Variants in LNPK observed in about 807,000 individuals in gnomAD.
The protein encoded by LNPK is lunapark, ER junction formation factor.
In LNPK, 29 loss-of-function variants were observed where a neutral mutation model predicts 55.2. That is an observed-to-expected ratio of 0.53 (90% CI 0.39 to 0.72). LNPK has a LOEUF of 0.72. Among genes scored for constraint, LNPK ranks in the 30% least tolerant of loss-of-function variants. The pLI, the probability that LNPK is intolerant of heterozygous loss-of-function variation, is 0.00. For synonymous variants in LNPK, 162 were observed against 168.2 expected (o/e 0.96, Z 0.29); for missense variants, 467 against 494.8 (o/e 0.94, Z 0.53).
At chr2:175,983,404 A>C (rs1164292180) in intron 4 of LNPK, among the ~76,000 whole-genome samples, 1 of 152,222 alleles carries the variant, frequency 6.6e-6, no homozygotes, top group Non-Finnish European at 1.5e-5. Flanking sequence ...AATTCTAGTT[A>C]GCCTGGAACA....
Position 175,927,462 on chromosome 2 carries a change from A to C in LNPK, c.*2505T>G, listed in dbSNP as rs1684063401. The C allele has an allele frequency of 6.6e-6, 1 of 152,238 alleles. No homozygotes were observed. Among genetic ancestry groups the C allele is most frequent in the African/African-American group, 2.4e-5 (1 of 41,438 alleles). 9.4% of individuals were successfully genotyped at this position (152,238 alleles called of 1,614,324 possible). A position where few individuals can be genotyped will look rare whatever the true frequency, so the allele number is the denominator to read the frequency against. On this transcript the variant is annotated 3_prime_UTR_variant, in exon 13 of 13. Coordinates refer to ENST00000272748, the MANE Select transcript of LNPK (RefSeq NM_030650.3). ...AGGCAGAGGCCAGCTTCAGATGGGG[A>C]GTTTGGGAAGGCATCTCTCTGAGGA...
intron 8 of LNPK, among the ~76,000 whole-genome samples, chr2:175,948,687 G>C (rs999944932): frequency 6.6e-6 from 1 of 151,572 alleles, no homozygotes; most frequent in African/African-American, 2.4e-5. Flanking sequence ...CTGAAACTAA[G>C]TAAGTAATTT....
chr2:175,996,517 A>G (rs577666914), intron 1 of LNPK, among the ~76,000 whole-genome samples: 1 of 152,262 alleles, frequency 6.6e-6, no homozygotes, highest in Non-Finnish European at 1.5e-5. Flanking sequence ...TAATTAGTTA[A>G]TAATACAACC....
intron 4 of LNPK, among the ~76,000 whole-genome samples, chr2:175,982,155 G>C (rs1441549613): frequency 1.3e-5 from 2 of 152,000 alleles, no homozygotes; most frequent in Non-Finnish European, 2.9e-5. Context: ...AAAAAGTCTC[G>C]TATCACTTCT....
intron 4 of LNPK, among the ~76,000 whole-genome samples, chr2:175,984,463 T>C (rs1334858848): frequency 3.3e-5 from 5 of 152,060 alleles, no homozygotes; most frequent in Non-Finnish European, 7.4e-5. Context: ...CGTGAACCAC[T>C]GCACCCGGCC....
chr2:175,988,925 C>G (rs1479885030), intron 4 of LNPK, among the ~76,000 whole-genome samples: 1 of 152,112 alleles, frequency 6.6e-6, no homozygotes, highest in African/African-American at 2.4e-5. Context: ...AGGAGCCCAC[C>G]ACCGTGCTGG....
chr2:175,984,856 C>G (rs1228064380), intron 4 of LNPK, among the ~76,000 whole-genome samples: 1 of 152,198 alleles, frequency 6.6e-6, no homozygotes, highest in African/African-American at 2.4e-5. Flanking sequence ...CATTTGCACT[C>G]TTGGGCATAC....
At chr2:175,973,800 T>C (rs890303311) in intron 5 of LNPK, among the ~76,000 whole-genome samples, 3 of 152,226 alleles carry the variant, frequency 2.0e-5, no homozygotes, top group Non-Finnish European at 4.4e-5. Context: ...CCTTGTTCTT[T>C]AATTGACTAC....
intron 5 of LNPK, among the ~76,000 whole-genome samples, chr2:175,975,010 A>ATT (rs56951449): frequency 9.9e-5 from 14 of 141,582 alleles, no homozygotes; most frequent in Admixed American, 5.6e-4. Context: ...AAGGTTTCTT[A>ATT]TTTTTTTTTT....
At chr2:175,933,531 C>T (rs928333331) in intron 12 of LNPK, among the ~76,000 whole-genome samples, 1 of 152,012 alleles carries the variant, frequency 6.6e-6, no homozygotes, top group Non-Finnish European at 1.5e-5. Context: ...GCACTTTTTA[C>T]GAGATTTTCC....
intron 8 of LNPK, among the ~76,000 whole-genome samples, chr2:175,961,234 C>T (rs1686012629): frequency 6.6e-6 from 1 of 152,152 alleles, no homozygotes; most frequent in South Asian, 2.1e-4. Flanking sequence ...GATACCAAAG[C>T]CTGGCAGAGA....
At chr2:175,934,608 T>C (rs1410608215) in intron 12 of LNPK, among the ~76,000 whole-genome samples, 1 of 152,068 alleles carries the variant, frequency 6.6e-6, no homozygotes, top group Non-Finnish European at 1.5e-5. Context: ...AGAAACCTAG[T>C]ACTCTAATGA....
intron 9 of LNPK, among the ~76,000 whole-genome samples, chr2:175,942,213 A>G (rs1684885051): frequency 6.6e-6 from 1 of 152,174 alleles, no homozygotes; most frequent in Non-Finnish European, 1.5e-5. Flanking sequence ...CTTAAAAGAT[A>G]ACTGACTGCA....
chr2:175,947,689 ATC>A lies in LNPK; in HGVS notation c.495_496del (p.Glu165AspfsTer19), dbSNP rs766389342. ...TCTTTGAGCTGCAGTTCGCTGACGA[ATC>A]TCTGAGAAGAGTAAGTACATACTAG... is the stretch of plus-strand genomic sequence containing the variant. On this transcript the variant is annotated frameshift_variant and splice_region_variant, in exon 9 of 13. Coordinates refer to ENST00000272748, the MANE Select transcript of LNPK (RefSeq NM_030650.3). LOFTEE classifies it high-confidence loss of function. 1 of 1,609,692 alleles carries A rather than the reference ATC, an allele frequency of 6.2e-7. No homozygotes were observed. Among genetic ancestry groups the A allele is most frequent in the Non-Finnish European group, 8.5e-7 (1 of 1,177,558 alleles).
chr2:175,927,691 T>C lies in LNPK; in HGVS notation c.*2276A>G, dbSNP rs1472502046. On this transcript the variant is annotated 3_prime_UTR_variant, in exon 13 of 13. Coordinates refer to ENST00000272748, the MANE Select transcript of LNPK (RefSeq NM_030650.3). The stretch of plus-strand genomic sequence containing the variant: ...AGGAAGCTAAGATCACTGTAGCTAA[T>C]GGTACTTAATAGCTTGGATTTTCTC... The C allele has an allele frequency of 1.3e-5, 2 of 152,202 alleles. No homozygotes were observed. The highest frequency in any genetic ancestry group is 4.8e-5 in the African/African-American group (2 of 41,436). The allele number at this position is 152,202 out of a possible 1,614,324, so 9.4% of individuals were successfully genotyped here.
rs904808534 is a variant in LNPK at position 175,928,203 on chromosome 2, A to G, written c.*1764T>C. 1 of 152,160 alleles carries G rather than the reference A, an allele frequency of 6.6e-6. No individual in the cohort carries two copies. Among genetic ancestry groups the G allele is most frequent in the African/African-American group, 2.4e-5 (1 of 41,450 alleles). The allele number at this position is 152,160 out of a possible 1,614,324, so 9.4% of individuals were successfully genotyped here. On this transcript the variant is annotated 3_prime_UTR_variant, in exon 13 of 13. Transcript: ENST00000272748. The stretch of plus-strand genomic sequence containing the variant: ...CTGAGAAGCTGAATTACATGTTCGT[A>G]TTATTTTTTACTTTCCTCATCTGCA...
chr2:175,967,740 T>G (rs1386878549), intron 6 of LNPK: 5 of 974,804 alleles, frequency 5.1e-6, no homozygotes, highest in Non-Finnish European at 6.1e-6. Context: ...TTCTTTCATA[T>G]AAGAGTATTC....
chr2:175,952,163 G>T (rs1419497826), intron 8 of LNPK, among the ~76,000 whole-genome samples: 1 of 151,880 alleles, frequency 6.6e-6, no homozygotes, highest in African/African-American at 2.4e-5. Context: ...AACTACAAAG[G>T]CAATATTCAT....
intron 8 of LNPK, among the ~76,000 whole-genome samples, chr2:175,959,593 G>C (rs988984856): frequency 6.6e-6 from 1 of 152,166 alleles, no homozygotes; most frequent in Non-Finnish European, 1.5e-5. Flanking sequence ...AACGGTACCA[G>C]CCACTGCAAA....
Sources: gnomAD v4.1 joint callset for allele counts (sites outside exome capture counted in the v4.1 genomes callset) on GRCh38, gnomAD v4.1.1 for gene constraint, MANE v1.5 for transcripts, NCBI Gene and HGNC (gene_info 2026-07-23, HGNC 2026-07-21) for gene names.